CLOCK: variants seen among roughly 807,000 people sequenced by gnomAD.
The protein encoded by CLOCK is circadian locomoter output cycles protein kaput.
A neutral mutation model predicts 118.4 loss-of-function variants in CLOCK; 43 were observed. That is an observed-to-expected ratio of 0.36 (90% CI 0.28 to 0.47). The LOEUF is 0.47. Among genes scored for constraint, CLOCK ranks in the 20% least tolerant of loss-of-function variants. The pLI, the probability that CLOCK is intolerant of heterozygous loss-of-function variation, is 1.00. For missense variants in CLOCK, 846 were observed against 999.9 expected (o/e 0.85, Z 2.08); for synonymous variants, 326 against 339.2 (o/e 0.96, Z 0.43).
At chr4:55,514,186 G>A (rs1484472167) in intron 1 of CLOCK, among the ~76,000 whole-genome samples, 5 of 152,072 alleles carry the variant, frequency 3.3e-5, no homozygotes, top group African/African-American at 1.2e-4. Context: ...TCCTGTTCCT[G>A]ATCTTACTGG....
chr4:55,473,201 C>T (rs1321252633), intron 7 of CLOCK, among the ~76,000 whole-genome samples: 7 of 151,010 alleles, frequency 4.6e-5, no homozygotes, highest in Non-Finnish European at 8.8e-5. Context: ...CCAGCCTGGG[C>T]GACTAAGCAA....
chr4:55,472,277 C>T (rs529829358), intron 7 of CLOCK, among the ~76,000 whole-genome samples: 1 of 152,184 alleles, frequency 6.6e-6, no homozygotes, highest in South Asian at 2.1e-4. Flanking sequence ...AGTCGGACTA[C>T]AATGAGTTTA....
chr4:55,527,928 T>G (rs920870310), intron 1 of CLOCK, among the ~76,000 whole-genome samples: 1 of 151,618 alleles, frequency 6.6e-6, no homozygotes, highest in African/African-American at 2.4e-5. Flanking sequence ...GCCTATTATC[T>G]CAGTACTTTT....
At chr4:55,465,741 C>T (rs1190271234) in intron 8 of CLOCK, among the ~76,000 whole-genome samples, 1 of 152,084 alleles carries the variant, frequency 6.6e-6, no homozygotes, top group Non-Finnish European at 1.5e-5. Flanking sequence ...TGTCTGAGGT[C>T]ATCAGTTCAA....
intron 22 of CLOCK, among the ~76,000 whole-genome samples, chr4:55,436,410 C>G (rs1030816930): frequency 9.9e-5 from 15 of 152,270 alleles, no homozygotes; most frequent in African/African-American, 3.6e-4. Flanking sequence ...CTGTTCCTTT[C>G]ACCAAATTTG....
rs1473598056 is a variant in CLOCK at position 55,443,835 on chromosome 4, T to C, written c.1754A>G (p.Asn585Ser). ...NFGSVQLSSGNSSNIQQLAPI... is the reference protein window; with the variant it reads ...NFGSVQLSSGSSSNIQQLAPI... Reference sequence around the variant, plus strand: ...TGCAAGTTGCTGGATATTAGATGAATTTCCAGAAGAAAGTTGAACGGAACC... The same window carrying C: ...TGCAAGTTGCTGGATATTAGATGAACTTCCAGAAGAAAGTTGAACGGAACC... The change falls in exon 20 of 23, where the codon AAT becomes AGT. Residue 585 changes from asparagine to serine, a missense_variant. Asn to Ser is a conservative substitution (Grantham distance 46). This residue lies in a region of CLOCK where 520 missense variants were observed against 558.0 expected (regional missense o/e 0.93). Transcript: ENST00000513440. The C allele has an allele frequency of 2.5e-6, 4 of 1,613,744 alleles. No homozygotes were observed. In the Admixed American group the frequency reaches 6.7e-5, roughly 27 times the overall value.
At chr4:55,528,644 C>G (rs1730351895) in intron 1 of CLOCK, among the ~76,000 whole-genome samples, 1 of 148,988 alleles carries the variant, frequency 6.7e-6, no homozygotes, top group Non-Finnish European at 1.5e-5. Flanking sequence ...TTAAACAGAA[C>G]TAAGCGAAGC....
At chr4:55,492,831 C>T (rs1017203826) in intron 2 of CLOCK, among the ~76,000 whole-genome samples, 4 of 151,886 alleles carry the variant, frequency 2.6e-5, no homozygotes, top group African/African-American at 9.7e-5. Context: ...GGTGACAGAG[C>T]GAGATTCTGT....
At chr4:55,447,170 C>T (rs576095897) in intron 18 of CLOCK, among the ~76,000 whole-genome samples, 23 of 151,962 alleles carry the variant, frequency 1.5e-4, no homozygotes, top group Non-Finnish European at 2.6e-4. Flanking sequence ...AGTTTGAGAC[C>T]AGCCTGGGCA....
intron 2 of CLOCK, among the ~76,000 whole-genome samples, chr4:55,497,058 C>T (rs1019162611): frequency 6.6e-6 from 1 of 152,132 alleles, no homozygotes; most frequent in East Asian, 1.9e-4. Context: ...TGGATTAAAA[C>T]AACACAAATT....
rs1198760132 is a variant in CLOCK, at chr4:55,433,957, A to G, written c.*1458T>C. 6.6e-6 allele frequency: 1 copy of G among 152,372 alleles called. No individual in the cohort carries two copies. Among genetic ancestry groups the G allele is most frequent in the Non-Finnish European group, 1.5e-5 (1 of 68,024 alleles). 9.4% of individuals were successfully genotyped at this position (152,372 alleles called of 1,614,324 possible). A position where few individuals can be genotyped will look rare whatever the true frequency, so the allele number is the denominator to read the frequency against. On this transcript the variant is annotated 3_prime_UTR_variant, in exon 23 of 23. Transcript: ENST00000513440. ...TAAATTCTTAAATGACTAAAGAAAA[A>G]TGCTGATTTAGGAAACAATTTTAGG...
chr4:55,531,023 G>GA (rs1242934477), intron 1 of CLOCK, among the ~76,000 whole-genome samples: 1 of 151,462 alleles, frequency 6.6e-6, no homozygotes, highest in Non-Finnish European at 1.5e-5. Flanking sequence ...ATCCAAGCAG[G>GA]AAAAACATCT....
chr4:55,521,323 A>C lies in CLOCK; in HGVS notation c.-289-11258T>G, dbSNP rs181292645. ...AACCCACACCTCCTGGGTTCAAGCG[A>C]TTCTCCTGCCTCAGCCTCCCAAGTA... On this transcript the variant is annotated intron_variant, in intron 1 of 22. Coordinates refer to ENST00000513440, the MANE Select transcript of CLOCK (RefSeq NM_004898.4). Among the ~76,000 whole-genome samples, 44 of 152,294 alleles carry C rather than the reference A, an allele frequency of 2.9e-4. No homozygotes were observed. In the East Asian group the frequency reaches 7.5e-3, roughly 26 times the overall value.
chr4:55,456,420 T>C (rs993600094), intron 11 of CLOCK, 120 bp from the exon 12 acceptor site: 1 of 644,164 alleles, frequency 1.6e-6, no homozygotes, highest in Non-Finnish European at 2.7e-6. Flanking sequence ...CCCAGCACTT[T>C]GGGAGGCTGA....
At chr4:55,524,144 T>C (rs1410222706) in intron 1 of CLOCK, among the ~76,000 whole-genome samples, 1 of 152,088 alleles carries the variant, frequency 6.6e-6, no homozygotes, top group Non-Finnish European at 1.5e-5. Flanking sequence ...ATCCCAGTAC[T>C]TTGGGAGGCT....
chr4:55,444,849 C>A, intron 18 of CLOCK, 64 bp from the exon 19 acceptor site: 1 of 1,517,786 alleles, frequency 6.6e-7, no homozygotes, highest in Non-Finnish European at 9.0e-7. Context: ...TATAATTGCA[C>A]AACATGAAAA....
intron 9 of CLOCK, among the ~76,000 whole-genome samples, chr4:55,462,328 CCA>C (rs1467744202): frequency 3.3e-5 from 5 of 152,172 alleles, no homozygotes. Context: ...GCTCTATCGC[CCA>C]GGCTGGAATG....
At chr4:55,513,882 A>G (rs116005016) in intron 1 of CLOCK, among the ~76,000 whole-genome samples, 3,398 of 152,128 alleles carry the variant, frequency 0.022, 112 homozygotes, top group African/African-American at 0.077. Context: ...GGGAGATATT[A>G]ATGTAATGGT....
Position 55,431,054 on chromosome 4 carries a change from A to C in CLOCK, c.*4361T>G, listed in dbSNP as rs988321668. On this transcript the variant is annotated 3_prime_UTR_variant, in exon 23 of 23. Coordinates refer to ENST00000513440, the MANE Select transcript of CLOCK (RefSeq NM_004898.4). ...AAGTGATGATTTGGGGATCCTTTAG[A>C]AATGGTTAACGCCTAAGAATAAACT... The C allele has an allele frequency of 1.3e-5, 2 of 152,230 alleles. No homozygotes were observed. The highest frequency in any genetic ancestry group is 4.8e-5 in the African/African-American group (2 of 41,460). 9.4% of individuals were successfully genotyped at this position (152,230 alleles called of 1,614,324 possible). A position where few individuals can be genotyped will look rare whatever the true frequency, so the allele number is the denominator to read the frequency against.
Sources: gnomAD v4.1 joint callset for allele counts (sites outside exome capture counted in the v4.1 genomes callset) on GRCh38, gnomAD v4.1.1 for gene constraint, gnomAD v4.1.1 regional missense constraint, MANE v1.5 for transcripts, NCBI Gene and HGNC (gene_info 2026-07-23, HGNC 2026-07-21) for gene names.